CCDC14: variants seen among roughly 807,000 people sequenced by gnomAD.
The protein encoded by CCDC14 is coiled-coil domain-containing protein 14.
A neutral mutation model predicts 81.4 loss-of-function variants in CCDC14; 71 were observed. That is an observed-to-expected ratio of 0.87 (90% confidence interval 0.72 to 1.06). CCDC14 has a LOEUF of 1.06. Ranked by LOEUF, CCDC14 falls within the 50% of genes least tolerant of loss-of-function variation. The pLI, the probability that CCDC14 is intolerant of heterozygous loss-of-function variation, is 0.00. For synonymous variants in CCDC14, 332 were observed against 364.8 expected (o/e 0.91, Z 1.03); for missense variants, 1,046 against 1,047.3 (o/e 1.00, Z 0.02).
the CCDC14 span, among the ~76,000 whole-genome samples, chr3:123,886,911 C>T: frequency 6.6e-6 from 1 of 152,038 alleles, no homozygotes; most frequent in Non-Finnish European, 1.5e-5. Context: ...GTAGTTTTTA[C>T]TTAACATATA....
chr3:123,918,786 C>T (rs1000083174), intron 12 of CCDC14, among the ~76,000 whole-genome samples: 2 of 152,178 alleles, frequency 1.3e-5, no homozygotes, highest in African/African-American at 4.8e-5. Context: ...AGGGATACAG[C>T]TCATAGCGGC....
the CCDC14 span, among the ~76,000 whole-genome samples, chr3:123,887,098 GTTTT>G: frequency 6.6e-6 from 1 of 151,642 alleles, no homozygotes; most frequent in African/African-American, 2.4e-5. Flanking sequence ...CTTGAAAACA[GTTTT>G]TTTTGCATAT....
rs763860503 is a variant in CCDC14, at chr3:123,948,719, C to T, written c.656G>A (p.Arg219Gln). ...ATGAACCTTTGGAGGGCAGGGTGGC[C>T]GCTGAAGTGACCAGACTGGGGTGGA... is the stretch of plus-strand genomic sequence containing the variant. ...CTSTPVWSLQ[R>Q]PPCPPKVHSE... Residue 219 changes from arginine to glutamine, a missense_variant, in exon 7 of 13, where the codon CGG becomes CAG. By Grantham distance (43) the Arg-to-Gln change is conservative. Coordinates refer to ENST00000409697, the MANE Select transcript of CCDC14 (RefSeq NM_001366335.1). The T allele has an allele frequency of 1.2e-5, 20 of 1,601,552 alleles. No individual in the cohort carries two copies. The highest frequency in any genetic ancestry group is 1.7e-4 in the Middle Eastern group (1 of 6,046).
At chr3:123,934,283 A>AAAC (rs2035932705) in intron 9 of CCDC14, among the ~76,000 whole-genome samples, 1 of 150,616 alleles carries the variant, frequency 6.6e-6, no homozygotes, top group Admixed American at 6.6e-5. Context: ...AAAAAAAAAA[A>AAAC]AAAAAAAAAA....
the CCDC14 span, among the ~76,000 whole-genome samples, chr3:123,888,850 G>C: frequency 2.0e-5 from 3 of 152,036 alleles, no homozygotes; most frequent in Non-Finnish European, 4.4e-5. Flanking sequence ...TGAGATTTGG[G>C]TGGGGACACA....
intron 9 of CCDC14, among the ~76,000 whole-genome samples, chr3:123,943,084 T>C (rs1435205877): frequency 6.6e-6 from 1 of 151,956 alleles, no homozygotes; most frequent in African/African-American, 2.4e-5. Context: ...TAAATGTGTG[T>C]GGTGTGTGTG....
At chr3:123,886,323 TTTCCTTCC>T in the CCDC14 span, among the ~76,000 whole-genome samples, 1 of 151,968 alleles carries the variant, frequency 6.6e-6, no homozygotes, top group Admixed American at 6.6e-5. Context: ...TTGTTTTTTC[TTTCCTTCC>T]TTCCTTCTCT....
Position 123,945,582 on chromosome 3 carries a change from A to C in CCDC14, c.1202-592T>G, listed in dbSNP as rs528354063. On this transcript the variant is annotated intron_variant, in intron 8 of 12. Transcript: ENST00000409697. ...GACAGTAGATGTTTTTGGAGATTGC[A>C]AACAGACACAGGCATAGAAGGTAGA... Among the ~76,000 whole-genome samples, 59 of 152,264 alleles carry C rather than the reference A, an allele frequency of 3.9e-4. 1 individual carries two copies. In the South Asian group the frequency reaches 0.012, roughly 31 times the overall value.
the CCDC14 span, among the ~76,000 whole-genome samples, chr3:123,886,742 C>A: frequency 6.6e-6 from 1 of 152,136 alleles, no homozygotes; most frequent in Non-Finnish European, 1.5e-5. Context: ...ACAATATGAG[C>A]ACTAGGAGTA....
the CCDC14 span, among the ~76,000 whole-genome samples, chr3:123,886,650 C>G: frequency 6.6e-6 from 1 of 152,138 alleles, no homozygotes; most frequent in Non-Finnish European, 1.5e-5. Context: ...CCCACCTCGG[C>G]CTCCCAAAGT....
intron 12 of CCDC14, among the ~76,000 whole-genome samples, chr3:123,929,966 A>G (rs79781105): frequency 0.019 from 2,960 of 152,350 alleles, 86 homozygotes; most frequent in African/African-American, 0.067. Flanking sequence ...GGGATACCTT[A>G]CAAAGACTTC....
chr3:123,934,829 A>G (rs1341942922), intron 9 of CCDC14, among the ~76,000 whole-genome samples: 1 of 152,180 alleles, frequency 6.6e-6, no homozygotes, highest in Admixed American at 6.5e-5. Flanking sequence ...TCACTCACAT[A>G]TATTAATTTC....
At chr3:123,931,282 A>T in intron 11 of CCDC14, 26 bp downstream of exon 11, 1 of 1,575,856 alleles carries the variant, frequency 6.3e-7, no homozygotes, top group Admixed American at 1.9e-5. Flanking sequence ...AAAAGATGTG[A>T]CCATAACTAC....
At chr3:123,956,158 G>C (rs1303812985) in intron 3 of CCDC14, 43 bp from the exon 4 acceptor site, 5 of 1,438,948 alleles carry the variant, frequency 3.5e-6, no homozygotes, top group Non-Finnish European at 4.7e-6. Flanking sequence ...GTATATGACT[G>C]TTAGTGTAGG....
At chr3:123,903,672 CTT>C (rs972563890) in intron 5 of CCDC14, among the ~76,000 whole-genome samples, 1 of 152,174 alleles carries the variant, frequency 6.6e-6, no homozygotes, top group African/African-American at 2.4e-5. Context: ...TCTTGTGTGT[CTT>C]TTTATTTTGC....
rs1436325170 is a variant in CCDC14 at position 123,914,111 on chromosome 3, C to T, written c.*668G>A. 1.0e-6 allele frequency: 1 copy of T among 985,554 alleles called. No individual in the cohort carries two copies. The highest frequency in any genetic ancestry group is 1.7e-5 in the African/African-American group (1 of 57,216). The allele number at this position is 985,554 out of a possible 1,614,324, so 61.1% of individuals were successfully genotyped here. A position where few individuals can be genotyped will look rare whatever the true frequency, so the allele number is the denominator to read the frequency against. ...AACTATAGCTTATCTGTTAGCACTT[C>T]TTTATCAGTCTGACTATTCTTTAAA... On this transcript the variant is annotated 3_prime_UTR_variant, in exon 13 of 13. Coordinates refer to ENST00000409697, the MANE Select transcript of CCDC14 (RefSeq NM_001366335.1).
At chr3:123,927,917 T>C (rs1460209978) in intron 12 of CCDC14, among the ~76,000 whole-genome samples, 1 of 152,108 alleles carries the variant, frequency 6.6e-6, no homozygotes, top group East Asian at 1.9e-4. Context: ...GGTAGAAGAA[T>C]CCCTCAATAA....
intron 9 of CCDC14, among the ~76,000 whole-genome samples, chr3:123,941,763 AC>A (rs1434691525): frequency 1.3e-5 from 2 of 152,040 alleles, no homozygotes. Flanking sequence ...TCAAACAAAT[AC>A]CTTTTAAAAA....
At chr3:123,900,041 C>T (rs2034148427) in intron 5 of CCDC14, among the ~76,000 whole-genome samples, 1 of 152,182 alleles carries the variant, frequency 6.6e-6, no homozygotes, top group South Asian at 2.1e-4. Flanking sequence ...AAATAGACTG[C>T]AAGCCTTTGA....
Sources: allele counts gnomAD v4.1 joint callset (sites outside exome capture counted in the v4.1 genomes callset), GRCh38; gene constraint gnomAD v4.1.1; transcripts MANE v1.5; gene names NCBI Gene and HGNC (gene_info 2026-07-23, HGNC 2026-07-21).